WAC: variants seen among roughly 807,000 people sequenced by gnomAD.
WAC encodes the protein WW domain containing adaptor with coiled-coil.
WAC carries 11 observed loss-of-function variants against 79.6 expected under a neutral mutation model. That is an observed-to-expected ratio of 0.14 (90% CI 0.09 to 0.23). The LOEUF (loss-of-function observed/expected upper bound fraction) is 0.23. WAC is among the 10% of genes least tolerant of loss of function. WAC has a pLI of 1.00. For synonymous variants in WAC, 304 were observed against 276.9 expected, an observed-to-expected ratio of 1.10 and a Z score of -0.97; for missense variants, 728 against 773.5, an observed-to-expected ratio of 0.94 and a Z score of 0.70.
intron 13 of WAC, 22 bp downstream of exon 13, chr10:28,617,806 ATTT>A (rs980050962): frequency 1.3e-6 from 2 of 1,561,902 alleles, no homozygotes; most frequent in African/African-American, 2.8e-5. Flanking sequence ...ACTGAAATAT[ATTT>A]TTATGTTTCT....
intron 3 of WAC, among the ~76,000 whole-genome samples, chr10:28,560,903 C>T (rs770377285): frequency 2.0e-5 from 3 of 152,038 alleles, no homozygotes; most frequent in Non-Finnish European, 4.4e-5. Context: ...CCCTGTGTTA[C>T]TATGTTGAGG....
At chr10:28,583,652 A>G (rs2132631269) in intron 4 of WAC, 147 bp downstream of exon 4, 1 of 528,866 alleles carries the variant, frequency 1.9e-6, no homozygotes, top group East Asian at 3.4e-5. Context: ...TTTATTTGAT[A>G]TTATTATTAT....
chr10:28,616,077 C>A, intron 11 of WAC, 96 bp from the exon 12 acceptor site: 1 of 1,016,492 alleles, frequency 9.8e-7, no homozygotes, highest in Non-Finnish European at 1.4e-6. Flanking sequence ...ATTTGGATAT[C>A]TTTAAGTTAA....
At chr10:28,592,088 T>TA (rs1204020571) in intron 6 of WAC, among the ~76,000 whole-genome samples, 5 of 152,314 alleles carry the variant, frequency 3.3e-5, no homozygotes, top group African/African-American at 1.2e-4. Flanking sequence ...GTTAAATTTT[T>TA]AAATCAGTGA....
At chr10:28,594,843 T>G (rs1164839912) in intron 6 of WAC, among the ~76,000 whole-genome samples, 3 of 152,216 alleles carry the variant, frequency 2.0e-5, no homozygotes, top group East Asian at 3.8e-4. Flanking sequence ...ATATTGTAAT[T>G]TAGATTGGAC....
intron 7 of WAC, among the ~76,000 whole-genome samples, chr10:28,606,397 T>G (rs556326184): frequency 6.6e-6 from 1 of 152,340 alleles, no homozygotes; most frequent in East Asian, 1.9e-4. Context: ...TATGCTTGTC[T>G]ATGAATCCAG....
intron 3 of WAC, among the ~76,000 whole-genome samples, chr10:28,575,204 C>T (rs1451979413): frequency 1.3e-5 from 2 of 152,168 alleles, no homozygotes; most frequent in Non-Finnish European, 2.9e-5. Flanking sequence ...GATCCCATCA[C>T]CCAGGTACTG....
chr10:28,554,076 C>T (rs1837851475), intron 3 of WAC, among the ~76,000 whole-genome samples: 3 of 152,140 alleles, frequency 2.0e-5, no homozygotes, highest in Non-Finnish European at 4.4e-5. Context: ...CCATGTTGGT[C>T]AGGCTGGTCT....
intron 3 of WAC, among the ~76,000 whole-genome samples, chr10:28,543,915 G>T (rs1339342405): frequency 1.3e-5 from 2 of 152,110 alleles, no homozygotes; most frequent in African/African-American, 4.8e-5. Context: ...TTGAGGCAGG[G>T]TCTTACTCTG....
intron 3 of WAC, among the ~76,000 whole-genome samples, chr10:28,577,438 G>A (rs1839302098): frequency 6.6e-6 from 1 of 151,998 alleles, no homozygotes; most frequent in Non-Finnish European, 1.5e-5. Context: ...AATTTTGAAC[G>A]GCTTTGTTCT....
At chr10:28,560,831 A>G (rs1020060055) in intron 3 of WAC, among the ~76,000 whole-genome samples, 2 of 152,200 alleles carry the variant, frequency 1.3e-5, no homozygotes, top group African/African-American at 4.8e-5. Flanking sequence ...TTTGACCAGT[A>G]GGCAGATTTT....
chr10:28,547,009 T>C (rs1338898301), intron 3 of WAC, among the ~76,000 whole-genome samples: 1 of 152,198 alleles, frequency 6.6e-6, no homozygotes, highest in African/African-American at 2.4e-5. Context: ...CTGGATACTT[T>C]GTCGATATTT....
In WAC at chr10:28,619,556, C is replaced by A; in HGVS notation, c.1894C>A (p.Gln632Lys). Residue 632 changes from glutamine to lysine, a missense_variant, in exon 14 of 14, where the codon CAA becomes AAA. By Grantham distance (53) the Gln-to-Lys change is moderately conservative (BLOSUM62 1). This residue lies in a region of WAC where 66 missense variants were observed against 78.9 expected (regional missense o/e 0.84). Coordinates refer to ENST00000354911, the MANE Select transcript of WAC (RefSeq NM_016628.5). Reference sequence around the variant, plus strand: ...TTTCAGGATACTATTTTTGAGACAACAAATTAAGGAACTTGAAAAGCTAAA... The same window carrying A: ...TTTCAGGATACTATTTTTGAGACAAAAAATTAAGGAACTTGAAAAGCTAAA... Reference protein sequence around the residue: ...REQRILFLRQQIKELEKLKNQ... With the variant: ...REQRILFLRQKIKELEKLKNQ... The A allele has an allele frequency of 1.3e-6, 2 of 1,578,894 alleles. No homozygotes were observed. The highest frequency in any genetic ancestry group is 2.0e-5 in the Admixed American group (1 of 50,230).
chr10:28,600,744 T>C (rs1840601610), intron 7 of WAC, among the ~76,000 whole-genome samples: 1 of 152,074 alleles, frequency 6.6e-6, no homozygotes, highest in African/African-American at 2.4e-5. Flanking sequence ...TTAAAACTTC[T>C]TTATAAAAAG....
rs576588173 is a variant in WAC at position 28,552,612 on chromosome 10, A to G, written c.274+16855A>G. On this transcript the variant is annotated intron_variant, in intron 3 of 13. Transcript: ENST00000354911. Reference sequence around the variant, plus strand: ...AATTTAAAACTGAAAATTTTGAATCATATAGTCAGAACTCTTTGAATATTG... The same window carrying G: ...AATTTAAAACTGAAAATTTTGAATCGTATAGTCAGAACTCTTTGAATATTG... Among the ~76,000 whole-genome samples the G allele has an allele frequency of 1.6e-3, 238 of 152,298 alleles. 1 individual carries two copies. Among genetic ancestry groups the G allele is most frequent in the Non-Finnish European group, 2.4e-3 (166 of 68,034 alleles).
Position 28,583,474 on chromosome 10 carries a change from C to T in WAC, c.350C>T (p.Pro117Leu). 1 of 1,582,174 alleles carries T rather than the reference C, an allele frequency of 6.3e-7. No individual in the cohort carries two copies. The highest frequency in any genetic ancestry group is 8.6e-7 in the Non-Finnish European group (1 of 1,167,742). ...LHSSNSHSSN[P>L]SNNPSKTSDA... ...AGTTCAAATTCACATTCTTCTAATCCAAGCAATAACCCAAGCAAAACTTCA... is the reference window on the plus strand; with the variant it reads ...AGTTCAAATTCACATTCTTCTAATCTAAGCAATAACCCAAGCAAAACTTCA... The change falls in exon 4 of 14, where the codon CCA becomes CTA. Residue 117 changes from proline to leucine, a missense_variant. Physicochemically the swap from Pro to Leu is moderately conservative, Grantham distance 98. Coordinates refer to ENST00000354911, the MANE Select transcript of WAC (RefSeq NM_016628.5).
At chr10:28,618,941 A>G (rs1207320970) in intron 13 of WAC, among the ~76,000 whole-genome samples, 1 of 152,270 alleles carries the variant, frequency 6.6e-6, no homozygotes, top group Non-Finnish European at 1.5e-5. Flanking sequence ...CGGTTTATAA[A>G]GTAATACATT....
rs771021206 is a variant in WAC, at chr10:28,608,407, G to A, written c.1141G>A (p.Val381Met). Residue 381 changes from valine to methionine, a missense_variant, in exon 8 of 14, where the codon GTG becomes ATG. Val to Met is a conservative substitution (Grantham distance 21, BLOSUM62 1). This residue lies in a region of WAC where 648 missense variants were observed against 661.5 expected (regional missense o/e 0.98). Coordinates refer to ENST00000354911, the MANE Select transcript of WAC (RefSeq NM_016628.5). ...CACGCTGCAGCTTAATAATTCTAATGTGGACATATCTAAAATAAATGAAGG... is the reference window on the plus strand; with the variant it reads ...CACGCTGCAGCTTAATAATTCTAATATGGACATATCTAAAATAAATGAAGG... ...QATLQLNNSNVDISKINEVLT... is the reference protein window; with the variant it reads ...QATLQLNNSNMDISKINEVLT... 2.0e-5 allele frequency: 32 copies of A among 1,605,536 alleles called. No individual in the cohort carries two copies. In the Middle Eastern group the frequency reaches 6.6e-4, roughly 33 times the overall value.
chr10:28,565,153 T>A (rs116164697), intron 3 of WAC, among the ~76,000 whole-genome samples: 1 of 152,214 alleles, frequency 6.6e-6, no homozygotes, highest in Non-Finnish European at 1.5e-5. Context: ...CAAGTTGTTA[T>A]ATGTTCCTGT....
Sources: gnomAD v4.1 joint callset for allele counts (sites outside exome capture counted in the v4.1 genomes callset) on GRCh38, gnomAD v4.1.1 for gene constraint, gnomAD v4.1.1 regional missense constraint, MANE v1.5 for transcripts, NCBI Gene and HGNC (gene_info 2026-07-23, HGNC 2026-07-21) for gene names.